Variants in FRMPD4 observed in about 807,000 individuals in gnomAD.
FRMPD4 encodes the protein FERM and PDZ domain-containing protein 4.
A neutral mutation model predicts 94.1 loss-of-function variants in FRMPD4; 22 were observed. That is an observed-to-expected ratio of 0.23 (90% CI 0.17 to 0.33). The LOEUF (loss-of-function observed/expected upper bound fraction) is 0.33. Among genes scored for constraint, FRMPD4 ranks in the 10% least tolerant of loss-of-function variants. FRMPD4 has a pLI of 1.00. For missense variants in FRMPD4, 1,111 were observed against 1,339.9 expected, an observed-to-expected ratio of 0.83 and a Z score of 2.67; for synonymous variants, 631 against 548.6, an observed-to-expected ratio of 1.15 and a Z score of -2.10.
chrX:12,517,586 G>C (rs973068967), intron 2 of FRMPD4, among the ~76,000 whole-genome samples: 3 of 112,488 alleles, frequency 2.7e-5, no homozygotes, highest in African/African-American at 9.7e-5. Flanking sequence ...CTTCCTCTGG[G>C]ATCTCTGTCC....
At chrX:11,985,130 C>T (rs2054420997) in intron 3 of FRMPD4, among the ~76,000 whole-genome samples, 1 of 111,659 alleles carries the variant, frequency 9.0e-6, no homozygotes, top group Non-Finnish European at 1.9e-5. Flanking sequence ...CAGAAAAAAG[C>T]ACCGTCATTA....
chrX:12,701,067 C>CTTTTTTTT (rs34465193), intron 9 of FRMPD4, among the ~76,000 whole-genome samples: 3 of 56,585 alleles, frequency 5.3e-5, no homozygotes, highest in Non-Finnish European at 9.3e-5. Context: ...GTTTTGGCTT[C>CTTTTTTTT]TTTTTTTTTT....
chrX:12,483,232 G>T (rs1051576988), intron 1 of FRMPD4, among the ~76,000 whole-genome samples: 5 of 111,908 alleles, frequency 4.5e-5, no homozygotes, highest in African/African-American at 1.6e-4. Flanking sequence ...CGAAGTGGAG[G>T]TGTAAGGTGG....
chrX:12,098,065 A>G (rs1204556246), intron 3 of FRMPD4, among the ~76,000 whole-genome samples: 1 of 112,241 alleles, frequency 8.9e-6, no homozygotes, highest in Non-Finnish European at 1.9e-5. Context: ...ATATCTGCAC[A>G]TTTTAGCCAA....
chrX:11,956,453 C>G, intron 3 of FRMPD4, among the ~76,000 whole-genome samples: 2 of 111,941 alleles, frequency 1.8e-5, no homozygotes, highest in Non-Finnish European at 3.8e-5. Context: ...GAAAGCCAGA[C>G]CTAGAAGACA....
chrX:12,285,414 C>A (rs1432577140), intron 1 of FRMPD4, among the ~76,000 whole-genome samples: 2 of 111,471 alleles, frequency 1.8e-5, no homozygotes, highest in Non-Finnish European at 3.8e-5. Context: ...TGGGGAGATT[C>A]TGGGACTGTT....
intron 1 of FRMPD4, among the ~76,000 whole-genome samples, chrX:12,383,358 G>A (rs2056353131): frequency 9.0e-6 from 1 of 111,642 alleles, no homozygotes; most frequent in South Asian, 3.8e-4. Context: ...TGTCACATCT[G>A]GTGGTGGGGG....
intron 1 of FRMPD4, among the ~76,000 whole-genome samples, chrX:12,372,051 A>G (rs2056170126): frequency 8.9e-6 from 1 of 112,315 alleles, no homozygotes. Flanking sequence ...TACATGTAGA[A>G]TGGTAGCTTC....
chrX:12,104,825 A>T (rs906050572), intron 3 of FRMPD4, among the ~76,000 whole-genome samples: 1 of 111,556 alleles, frequency 9.0e-6, no homozygotes, highest in African/African-American at 3.3e-5. Context: ...CTAAAGGTTA[A>T]ATTATTTGTT....
chrX:12,541,627 C>T (rs1320950249), intron 2 of FRMPD4, among the ~76,000 whole-genome samples: 1 of 111,440 alleles, frequency 9.0e-6, no homozygotes, highest in Non-Finnish European at 1.9e-5. Context: ...AAGTCCAGGA[C>T]CAGATGGATT....
intron 3 of FRMPD4, among the ~76,000 whole-genome samples, chrX:11,963,483 GC>G (rs1460611489): frequency 1.1e-4 from 12 of 112,290 alleles, no homozygotes; most frequent in Admixed American, 8.5e-4. Context: ...TCTCCCACCA[GC>G]CTTTAGTTTG....
At chrX:12,619,826 A>T (rs926266803) in intron 4 of FRMPD4, among the ~76,000 whole-genome samples, 7 of 110,837 alleles carry the variant, frequency 6.3e-5, no homozygotes, top group African/African-American at 2.3e-4. Context: ...AGGCCAGTTC[A>T]TACCCCCAGA....
chrX:12,583,290 C>A, intron 2 of FRMPD4: 1 of 399,407 alleles, frequency 2.5e-6, no homozygotes, highest in South Asian at 3.7e-5. Flanking sequence ...CATTTATCAA[C>A]CCTCATCAAA....
chrX:12,086,288 C>T lies in FRMPD4; in HGVS notation c.95+208270C>T, dbSNP rs1480858758. 2.7e-5 allele frequency among the ~76,000 whole-genome samples: 3 copies of T among 111,819 alleles called. No homozygotes were observed. In the East Asian group the frequency reaches 8.4e-4, roughly 31 times the overall value. ...TAGAGTGTTGAAGGCTCTAAAACAT[C>T]TGTAATAAAGGAACTTGCTTAATTT... On this transcript the variant is annotated intron_variant, in intron 3 of 18. Transcript: ENST00000640291.
intron 1 of FRMPD4, among the ~76,000 whole-genome samples, chrX:12,141,394 C>CTTAG (rs1351064396): frequency 8.9e-6 from 1 of 111,817 alleles, no homozygotes; most frequent in Non-Finnish European, 1.9e-5. Context: ...GCTTAGTGTC[C>CTTAG]TATCTGTGAG....
chrX:12,602,842 A>T (rs1278847412), intron 2 of FRMPD4, among the ~76,000 whole-genome samples: 1 of 112,062 alleles, frequency 8.9e-6, no homozygotes, highest in Non-Finnish European at 1.9e-5. Flanking sequence ...ACAGATGCCC[A>T]AACAAACTAG....
chrX:12,522,594 CTT>C (rs373581040), intron 2 of FRMPD4, among the ~76,000 whole-genome samples: 4 of 74,539 alleles, frequency 5.4e-5, no homozygotes, highest in South Asian at 1.5e-3. Context: ...TTTTCTTTTC[CTT>C]TTTTTTTTTT....
chrX:11,950,664 C>T (rs1011618458), intron 3 of FRMPD4, among the ~76,000 whole-genome samples: 2 of 111,554 alleles, frequency 1.8e-5, no homozygotes, highest in African/African-American at 6.5e-5. Context: ...TACATGCAGC[C>T]AACAAGCATA....
intron 1 of FRMPD4, among the ~76,000 whole-genome samples, chrX:12,283,690 G>A (rs1278862667): frequency 9.3e-6 from 1 of 108,031 alleles, no homozygotes; most frequent in African/African-American, 3.4e-5. Flanking sequence ...TCAGACTGGT[G>A]TAAAGAAATG....
Sources: gnomAD v4.1 joint callset for allele counts (sites outside exome capture counted in the v4.1 genomes callset) on GRCh38, gnomAD v4.1.1 for gene constraint, MANE v1.5 for transcripts, NCBI Gene and HGNC (gene_info 2026-07-23, HGNC 2026-07-21) for gene names.